CNTN5: variants seen among roughly 807,000 people sequenced by gnomAD.
CNTN5 encodes contactin-5.
In CNTN5, 77 loss-of-function variants were observed where a neutral mutation model predicts 129.1. The observed-to-expected ratio is 0.60, with a 90% CI of 0.50 to 0.72. CNTN5 has a LOEUF of 0.72. Among genes scored for constraint, CNTN5 ranks in the 30% least tolerant of loss-of-function variants. The pLI is 0.00. For synonymous variants in CNTN5, 509 were observed against 465.6 expected (o/e 1.09, Z -1.20); for missense variants, 1,478 against 1,328.8 (o/e 1.11, Z -1.75).
intron 6 of CNTN5, among the ~76,000 whole-genome samples, chr11:99,888,653 G>C (rs1291617677): frequency 6.6e-6 from 1 of 152,198 alleles, no homozygotes; most frequent in Non-Finnish European, 1.5e-5. Flanking sequence ...TTCATTCTTG[G>C]TAGTGAGCTG....
chr11:99,310,426 T>G (rs1443548748), intron 1 of CNTN5, among the ~76,000 whole-genome samples: 1 of 145,450 alleles, frequency 6.9e-6, no homozygotes, highest in Admixed American at 8.2e-5. Flanking sequence ...AATAAAACAC[T>G]CTTAAATATT....
intron 3 of CNTN5, among the ~76,000 whole-genome samples, chr11:99,590,941 A>G (rs192551532): frequency 0.042 from 6,287 of 151,360 alleles, 168 homozygotes; most frequent in South Asian, 0.087. Flanking sequence ...AACATGAAAT[A>G]TCAAACAAAG....
intron 13 of CNTN5, among the ~76,000 whole-genome samples, chr11:100,083,345 G>A (rs1944432308): frequency 6.7e-6 from 1 of 149,562 alleles, no homozygotes; most frequent in East Asian, 2.0e-4. Flanking sequence ...GAGATGGGAA[G>A]AGGTCCCAGA....
At chr11:99,614,822 T>C (rs1277946701) in intron 3 of CNTN5, among the ~76,000 whole-genome samples, 1 of 152,056 alleles carries the variant, frequency 6.6e-6, no homozygotes, top group Non-Finnish European at 1.5e-5. Context: ...TGGCAGCCAA[T>C]AGCAACACAA....
intron 3 of CNTN5, among the ~76,000 whole-genome samples, chr11:99,652,418 A>G (rs1458435765): frequency 2.0e-5 from 3 of 152,068 alleles, no homozygotes; most frequent in African/African-American, 4.8e-5. Flanking sequence ...AACCTAATCA[A>G]GAGAGTGACT....
At chr11:99,916,761 C>A (rs1949800484) in intron 7 of CNTN5, among the ~76,000 whole-genome samples, 1 of 152,006 alleles carries the variant, frequency 6.6e-6, no homozygotes, top group Non-Finnish European at 1.5e-5. Context: ...CTAATTATAT[C>A]TATTTTGTTT....
chr11:99,619,950 C>T (rs1249612231), intron 3 of CNTN5, among the ~76,000 whole-genome samples: 1 of 149,504 alleles, frequency 6.7e-6, no homozygotes, highest in Non-Finnish European at 1.5e-5. Context: ...GGCGTGAACC[C>T]GGGAGGCGGA....
intron 3 of CNTN5, among the ~76,000 whole-genome samples, chr11:99,656,681 G>A (rs1011710609): frequency 8.5e-5 from 13 of 152,104 alleles, no homozygotes; most frequent in African/African-American, 3.1e-4. Context: ...CAGCAAAGAT[G>A]CCTGCACTCC....
chr11:99,025,060 T>TTTTA (rs1056136315), intron 1 of CNTN5, among the ~76,000 whole-genome samples: 1 of 151,946 alleles, frequency 6.6e-6, no homozygotes, highest in Admixed American at 6.6e-5. Flanking sequence ...AATGGCCACT[T>TTTTA]TTTATTTATT....
At chr11:99,874,994 C>A (rs867486037) in intron 6 of CNTN5, among the ~76,000 whole-genome samples, 1 of 152,214 alleles carries the variant, frequency 6.6e-6, no homozygotes, top group Middle Eastern at 3.4e-3. Context: ...GGTCTAGTTT[C>A]TTTGGTTGGG....
intron 13 of CNTN5, among the ~76,000 whole-genome samples, chr11:100,102,549 A>T (rs996622411): frequency 2.2e-5 from 3 of 135,296 alleles, no homozygotes; most frequent in African/African-American, 9.4e-5. Context: ...TCCAGAGGTC[A>T]AAAAAAAGAA....
intron 1 of CNTN5, among the ~76,000 whole-genome samples, chr11:99,066,157 T>G (rs1865094054): frequency 6.6e-6 from 1 of 152,146 alleles, no homozygotes; most frequent in Non-Finnish European, 1.5e-5. Flanking sequence ...AGGCTGGAGT[T>G]CAATAGCACA....
intron 3 of CNTN5, among the ~76,000 whole-genome samples, chr11:99,778,753 T>G (rs2135376651): frequency 1.3e-5 from 2 of 152,056 alleles, no homozygotes; most frequent in East Asian, 3.9e-4. Flanking sequence ...ATCATCACTA[T>G]GATTATTTTG....
At chr11:99,701,337 AT>A (rs1373777006) in intron 3 of CNTN5, among the ~76,000 whole-genome samples, 2 of 151,168 alleles carry the variant, frequency 1.3e-5, no homozygotes, top group African/African-American at 4.8e-5. Flanking sequence ...AAAAGTAGTT[AT>A]TTTTGAATAC....
intron 13 of CNTN5, among the ~76,000 whole-genome samples, chr11:100,157,265 CAT>C (rs1391343090): frequency 1.3e-5 from 2 of 151,808 alleles, no homozygotes; most frequent in East Asian, 1.9e-4. Flanking sequence ...AAGAGGAAAA[CAT>C]ATAGATTACG....
chr11:99,246,163 G>A (rs575881455), intron 1 of CNTN5, among the ~76,000 whole-genome samples: 1 of 152,242 alleles, frequency 6.6e-6, no homozygotes, highest in Admixed American at 6.5e-5. Flanking sequence ...ATCTTCACAT[G>A]TCACAAATTT....
At chr11:99,342,610 G>A (rs967019702) in intron 2 of CNTN5, among the ~76,000 whole-genome samples, 9 of 132,068 alleles carry the variant, frequency 6.8e-5, no homozygotes, top group African/African-American at 1.5e-4. Flanking sequence ...AAAGCAGGGC[G>A]TGGTGACACG....
chr11:100,350,848 A>G lies in CNTN5; in HGVS notation c.3177A>G (p.Gln1059=). 1 of 1,590,876 alleles carries G rather than the reference A, an allele frequency of 6.3e-7. No homozygotes were observed. Among genetic ancestry groups the G allele is most frequent in the Non-Finnish European group, 8.6e-7 (1 of 1,166,746 alleles). The change falls in exon 24 of 25, where the codon CAA becomes CAG. Residue 1059 remains glutamine (Q), a synonymous_variant. Coordinates refer to ENST00000524871, the MANE Select transcript of CNTN5 (RefSeq NM_014361.4). ...GAGGAGATGGAACAGCTAGTTCTCA[A>G]ATTAGGGTACCATCATATTCAGGTA... ...SEGGDGTASS[Q]IRVPSYSGGK... is the part of the protein sequence containing the mutation.
At chr11:99,152,173 T>C (rs2135490509) in intron 1 of CNTN5, among the ~76,000 whole-genome samples, 1 of 152,332 alleles carries the variant, frequency 6.6e-6, no homozygotes, top group East Asian at 1.9e-4. Context: ...GTCATTATGA[T>C]AATAAACTTG....
Sources: allele counts gnomAD v4.1 joint callset (sites outside exome capture counted in the v4.1 genomes callset), GRCh38; gene constraint gnomAD v4.1.1; transcripts MANE v1.5; gene names NCBI Gene and HGNC (gene_info 2026-07-23, HGNC 2026-07-21).